Variants in ADAMTS9 observed in about 807,000 individuals in gnomAD.
The protein encoded by ADAMTS9 is ADAM metallopeptidase with thrombospondin type 1 motif 9, also known as A disintegrin and metalloproteinase with thrombospondin motifs 9.
A neutral mutation model predicts 257.1 loss-of-function variants in ADAMTS9; 107 were observed. That is an observed-to-expected ratio of 0.42 (90% CI 0.36 to 0.49). The LOEUF (loss-of-function observed/expected upper bound fraction) is 0.49, where lower values mean the gene tolerates loss of function less well. Ranked by LOEUF, ADAMTS9 falls within the 20% of genes least tolerant of loss-of-function variation. ADAMTS9 has a pLI of 0.03. For missense variants in ADAMTS9, 2,353 were observed against 2,469.1 expected (o/e 0.95, Z 1.00); for synonymous variants, 982 against 880.9 (o/e 1.11, Z -2.03).
At chr3:64,578,196 A>G (rs2083902652) in intron 28 of ADAMTS9, among the ~76,000 whole-genome samples, 2 of 152,106 alleles carry the variant, frequency 1.3e-5, no homozygotes, top group Admixed American at 6.5e-5. Flanking sequence ...GCATTGCTCT[A>G]TCGGGAGGTT....
chr3:64,578,674 C>T (rs2083919188), intron 28 of ADAMTS9, among the ~76,000 whole-genome samples: 2 of 152,154 alleles, frequency 1.3e-5, no homozygotes, highest in South Asian at 4.1e-4. Flanking sequence ...AAACAGAAGT[C>T]CTGCTCTTCC....
chr3:64,540,405 T>C (rs2083104933), intron 36 of ADAMTS9, among the ~76,000 whole-genome samples: 1 of 152,214 alleles, frequency 6.6e-6, no homozygotes, highest in African/African-American at 2.4e-5. Flanking sequence ...CTATGATTAA[T>C]GTCCCCAACA....
rs561148610 is a variant in ADAMTS9, at chr3:64,626,809, G to A, written c.2390-4223C>T. ...GATGGAGTCTGACACTCATGACAAG[G>A]AGGATAGAGTGCTTCCAGCCAAATG... On this transcript the variant is annotated intron_variant, in intron 16 of 39. Coordinates refer to ENST00000498707, the MANE Select transcript of ADAMTS9 (RefSeq NM_182920.2). Among the ~76,000 whole-genome samples, 5 of 152,314 alleles carry A rather than the reference G, an allele frequency of 3.3e-5. No homozygotes were observed. In the East Asian group the frequency reaches 7.7e-4, roughly 24 times the overall value.
At chr3:64,616,275 A>T in intron 19 of ADAMTS9, 105 bp from the exon 20 acceptor site, 3 of 1,227,616 alleles carry the variant, frequency 2.4e-6, no homozygotes, top group Non-Finnish European at 3.5e-6. Flanking sequence ...TTTCTTTCTT[A>T]ACTCGAATAC....
intron 25 of ADAMTS9, 108 bp from the exon 26 acceptor site, chr3:64,602,321 G>T: frequency 7.5e-7 from 1 of 1,333,104 alleles, no homozygotes; most frequent in Non-Finnish European, 1.0e-6. Context: ...AAATTGCTCA[G>T]GCCAAAAACC....
intron 28 of ADAMTS9, chr3:64,587,142 C>T (rs2084172556): frequency 6.6e-6 from 1 of 152,070 alleles, no homozygotes; most frequent in Non-Finnish European, 1.5e-5. Flanking sequence ...CTCTCAAGAC[C>T]CCTGGTTCTG....
At chr3:64,631,988 A>G in intron 14 of ADAMTS9, 63 bp from the exon 15 acceptor site, 1 of 1,265,046 alleles carries the variant, frequency 7.9e-7, no homozygotes, top group East Asian at 2.4e-5. Flanking sequence ...ATGGCAAATA[A>G]TGTGTTTCTT....
intron 8 of ADAMTS9, among the ~76,000 whole-genome samples, chr3:64,652,961 C>T (rs751772001): frequency 6.6e-6 from 1 of 152,180 alleles, no homozygotes. Context: ...AAAATTACCT[C>T]TAGGCTATGT....
rs17071048 is a variant in ADAMTS9, at chr3:64,561,502, T to C, written c.4698+76A>G. On this transcript the variant is annotated intron_variant, in intron 30 of 39. Transcript: ENST00000498707. ...GTGCTCGGTGACTTCTCTGGCTTTA[T>C]AGGGAACAGATGTGAGGATAGCAAG... 0.019 allele frequency: 28,160 copies of C among 1,485,700 alleles called. 2,439 individuals are homozygous for C. The East Asian group carries it at 0.21, about 11-fold the overall frequency. The allele number at this position is 1,485,700 out of a possible 1,614,324, so 92.0% of individuals were successfully genotyped here.
At position 64,631,824 on chromosome 3, in the gene ADAMTS9, A is replaced by T. The variant is rs766001875; in HGVS notation, c.2277T>A (p.Phe759Leu). The T allele has an allele frequency of 8.1e-6, 13 of 1,613,142 alleles. No homozygotes were observed. Among genetic ancestry groups the T allele is most frequent in the Non-Finnish European group, 8.5e-7 (1 of 1,179,140 alleles). ...GATTCTTACCATAATGTACTGTATTAAATGTTCCTGCCACTGTTTTGCATG... is the reference window on the plus strand; with the variant it reads ...GATTCTTACCATAATGTACTGTATTTAATGTTCCTGCCACTGTTTTGCATG... ...NSSCKTVAGT[F>L]NTVHYGYNTV... The change falls in exon 15 of 40, where the codon TTT (phenylalanine) becomes TTA (leucine). Residue 759 changes from phenylalanine (F) to leucine (L), a missense_variant. By Grantham distance (22) the Phe-to-Leu change is conservative (BLOSUM62 0). Transcript: ENST00000498707.
intron 39 of ADAMTS9, among the ~76,000 whole-genome samples, chr3:64,519,785 A>G (rs762441617): frequency 3.9e-5 from 6 of 152,176 alleles, no homozygotes; most frequent in Non-Finnish European, 7.4e-5. Flanking sequence ...AAGACATCAA[A>G]AGAACATACC....
intron 30 of ADAMTS9, among the ~76,000 whole-genome samples, chr3:64,551,462 G>A (rs2106933441): frequency 6.6e-6 from 1 of 152,252 alleles, no homozygotes; most frequent in South Asian, 2.1e-4. Context: ...GCCCACCTCG[G>A]CCTCCCAAAG....
At chr3:64,582,584 T>C (rs932008747) in intron 28 of ADAMTS9, 2 of 152,206 alleles carry the variant, frequency 1.3e-5, no homozygotes, top group Admixed American at 6.5e-5. Flanking sequence ...GGAAGGGTGA[T>C]ATTGCCTCCC....
At chr3:64,650,879 T>A (rs997307644) in intron 9 of ADAMTS9, 138 bp downstream of exon 9, 2 of 798,242 alleles carry the variant, frequency 2.5e-6, no homozygotes. Context: ...TTTTTTTTTT[T>A]TTTTTGCCTT....
rs2082861330 is a variant in ADAMTS9 at position 64,522,191 on chromosome 3, G to T, written c.5788C>A (p.Leu1930Met). The part of the protein sequence containing the change: ...GKCTPSSGTG[L>M]EVRVL ...CTTAGCTATAAAACTCGCACCTCCA[G>T]GCCAGTACCAGAGGATGGAGTGCAT... Residue 1930 changes from leucine to methionine, a missense_variant, in exon 39 of 40, where the codon CTG (leucine) becomes ATG (methionine). Leu to Met is a conservative substitution (Grantham distance 15). Coordinates refer to ENST00000498707, the MANE Select transcript of ADAMTS9 (RefSeq NM_182920.2). The T allele has an allele frequency of 6.2e-7, 1 of 1,613,872 alleles. No individual in the cohort carries two copies. The highest frequency in any genetic ancestry group is 8.5e-7 in the Non-Finnish European group (1 of 1,179,912).
intron 12 of ADAMTS9, among the ~76,000 whole-genome samples, chr3:64,634,308 T>C (rs1335798503): frequency 6.6e-6 from 1 of 152,190 alleles, no homozygotes; most frequent in Non-Finnish European, 1.5e-5. Context: ...GCTCCCTATC[T>C]TCCTTTTGTA....
chr3:64,639,107 G>A (rs1352354991), intron 12 of ADAMTS9, among the ~76,000 whole-genome samples: 1 of 151,942 alleles, frequency 6.6e-6, no homozygotes, highest in Admixed American at 6.6e-5. Context: ...TTTAAACTGA[G>A]ATTTGGATCT....
chr3:64,606,820 G>A, intron 23 of ADAMTS9, 140 bp downstream of exon 23: 2 of 1,039,108 alleles, frequency 1.9e-6, no homozygotes, highest in South Asian at 3.3e-5. Flanking sequence ...TAACATACAG[G>A]TAAATCTGGA....
At chr3:64,621,008 AAG>A in intron 19 of ADAMTS9, 104 bp downstream of exon 19, 1 of 1,366,232 alleles carries the variant, frequency 7.3e-7, no homozygotes, top group South Asian at 1.4e-5. Flanking sequence ...AAACACAAGA[AAG>A]GGGAACTAAA....
Sources: allele counts gnomAD v4.1 joint callset (sites outside exome capture counted in the v4.1 genomes callset), GRCh38; gene constraint gnomAD v4.1.1; transcripts MANE v1.5; gene names NCBI Gene and HGNC (gene_info 2026-07-23, HGNC 2026-07-21).